DYNC2H1: variants seen among roughly 807,000 people sequenced by gnomAD.
The protein encoded by DYNC2H1 is dynein cytoplasmic 2 heavy chain 1.
In DYNC2H1, 410 loss-of-function variants were observed where a neutral mutation model predicts 570.0. That is an observed-to-expected ratio of 0.72 (90% CI 0.66 to 0.78). The LOEUF (loss-of-function observed/expected upper bound fraction) is 0.78, where lower values mean the gene tolerates loss of function less well. Ranked by LOEUF, DYNC2H1 falls within the 30% of genes least tolerant of loss-of-function variation. The pLI is 0.00. For missense variants in DYNC2H1, 4,865 were observed against 5,046.4 expected (o/e 0.96, Z 1.09); for synonymous variants, 1,688 against 1,677.6 (o/e 1.01, Z -0.15).
In DYNC2H1 at chr11:103,254,516, G is replaced by T. The variant is rs187907730; in HGVS notation, c.10207-899G>T. Among the ~76,000 whole-genome samples the T allele has an allele frequency of 1.4e-3, 216 of 152,298 alleles. No homozygotes were observed. Among genetic ancestry groups the T allele is most frequent in the African/African-American group, 4.9e-3 (203 of 41,578 alleles). ...ACCATACAACTTGCTGATTTAAAATGTATAATTCAATGGTTTTTTTAGTGG... is the reference window on the plus strand; with the variant it reads ...ACCATACAACTTGCTGATTTAAAATTTATAATTCAATGGTTTTTTTAGTGG... On this transcript the variant is annotated intron_variant, in intron 66 of 88. Coordinates refer to ENST00000375735, the MANE Select transcript of DYNC2H1 (RefSeq NM_001377.3). The surrounding 1 kb of genome is among the most constrained non-coding windows in gnomAD (Gnocchi z 4.9).
At chr11:103,412,015 A>G (rs997605047) in intron 84 of DYNC2H1, among the ~76,000 whole-genome samples, 6 of 152,156 alleles carry the variant, frequency 3.9e-5, no homozygotes, top group Non-Finnish European at 8.8e-5. Context: ...CTGTTTGATG[A>G]AATGCAAATG....
chr11:103,468,658 C>G lies in DYNC2H1; in HGVS notation c.12718C>G (p.Pro4240Ala), dbSNP rs780074386. The change falls in exon 88 of 89, where the codon CCC becomes GCC. Residue 4240 changes from proline to alanine, a missense_variant. By Grantham distance (27) the Pro-to-Ala change is conservative (BLOSUM62 -1). This residue lies in a region of DYNC2H1 where 2,401 missense variants were observed against 2,454.6 expected (regional missense o/e 0.98). Coordinates refer to ENST00000375735, the MANE Select transcript of DYNC2H1 (RefSeq NM_001377.3). ...ACTTTCTGAAAATCAGCTTGATTCT[C>G]CCAGCGTGTCATCAGTGCTCCCTTG... Reference protein sequence around the residue: ...NQLSENQLDSPSVSSVLPCFM... With the variant: ...NQLSENQLDSASVSSVLPCFM... 5.0e-6 allele frequency: 8 copies of G among 1,613,550 alleles called. No homozygotes were observed. Among genetic ancestry groups the G allele is most frequent in the Non-Finnish European group, 6.8e-6 (8 of 1,179,708 alleles).
chr11:103,142,196 G>A (rs1029207800), intron 17 of DYNC2H1, among the ~76,000 whole-genome samples: 11 of 152,336 alleles, frequency 7.2e-5, no homozygotes, highest in South Asian at 6.2e-4. Context: ...TTCGGCTCAC[G>A]CACGATGCGC....
chr11:103,354,698 A>T (rs1178422002), intron 82 of DYNC2H1, among the ~76,000 whole-genome samples: 1 of 152,124 alleles, frequency 6.6e-6, no homozygotes, highest in African/African-American at 2.4e-5. Flanking sequence ...TGCTAAATTT[A>T]TAACAATGCT....
intron 54 of DYNC2H1, among the ~76,000 whole-genome samples, chr11:103,214,789 C>CT (rs35102616): frequency 0.11 from 15,326 of 139,692 alleles, 918 homozygotes; most frequent in East Asian, 0.22. Context: ...ATGTCTTTCC[C>CT]TTTTTTTTTT....
At chr11:103,418,243 G>A (rs1943358461) in intron 84 of DYNC2H1, among the ~76,000 whole-genome samples, 1 of 152,034 alleles carries the variant, frequency 6.6e-6, no homozygotes, top group Non-Finnish European at 1.5e-5. Flanking sequence ...GCCTTTATTT[G>A]CAGAGGATAC....
In DYNC2H1 at chr11:103,315,322, G is replaced by A. The variant is rs550939193; in HGVS notation, c.11650-1223G>A. Among the ~76,000 whole-genome samples, 19 of 152,108 alleles carry A rather than the reference G, an allele frequency of 1.2e-4. No individual in the cohort carries two copies. The South Asian group carries it at 3.7e-3, about 30-fold the overall frequency. On this transcript the variant is annotated intron_variant, in intron 79 of 88. Coordinates refer to ENST00000375735, the MANE Select transcript of DYNC2H1 (RefSeq NM_001377.3). ...CTATGTTTTAATTGACGAAAACATG[G>A]CCTGGTATATAGCAGTCCAAAACTT...
intron 87 of DYNC2H1, among the ~76,000 whole-genome samples, chr11:103,457,178 A>G (rs1944816019): frequency 6.6e-6 from 1 of 152,264 alleles, no homozygotes; most frequent in African/African-American, 2.4e-5. Context: ...TGCCAGTTAT[A>G]TAAAAGTAAA....
chr11:103,250,611 C>G (rs1799842716), intron 65 of DYNC2H1, among the ~76,000 whole-genome samples: 1 of 152,176 alleles, frequency 6.6e-6, no homozygotes, highest in African/African-American at 2.4e-5. Context: ...TGATGTTGCT[C>G]TTTGTTATTT....
At chr11:103,207,726 A>G (rs1364140306) in intron 52 of DYNC2H1, among the ~76,000 whole-genome samples, 2 of 152,094 alleles carry the variant, frequency 1.3e-5, no homozygotes, top group African/African-American at 4.8e-5. Flanking sequence ...GTAGAGGCCA[A>G]ACAACATAGT....
chr11:103,368,287 T>C (rs1298851454), intron 83 of DYNC2H1, among the ~76,000 whole-genome samples: 3 of 152,200 alleles, frequency 2.0e-5, no homozygotes, highest in Admixed American at 6.5e-5. Flanking sequence ...TTCTTGATAA[T>C]AGCTTTTCTA....
At chr11:103,474,999 T>C (rs1189852613) in intron 88 of DYNC2H1, among the ~76,000 whole-genome samples, 1 of 152,182 alleles carries the variant, frequency 6.6e-6, no homozygotes, top group Non-Finnish European at 1.5e-5. Flanking sequence ...TTGTGAGACA[T>C]TCAGGCTTTT....
At chr11:103,358,206 C>G in intron 82 of DYNC2H1, 37 bp from the exon 83 acceptor site, 1 of 1,259,398 alleles carries the variant, frequency 7.9e-7, no homozygotes, top group South Asian at 1.5e-5. Flanking sequence ...GGCTGAAGTT[C>G]TTTTTATTTG....
chr11:103,273,271 C>G (rs530758415), intron 70 of DYNC2H1, among the ~76,000 whole-genome samples: 6 of 151,814 alleles, frequency 4.0e-5, no homozygotes, highest in Non-Finnish European at 8.8e-5. Context: ...CTCACTGCAA[C>G]CTCTGCCTCC....
chr11:103,143,175 T>G (rs1860048730), intron 17 of DYNC2H1, 93 bp from the exon 18 acceptor site: 2 of 1,330,938 alleles, frequency 1.5e-6, no homozygotes, highest in Admixed American at 2.1e-5. Context: ...ATTTTCCTCT[T>G]TTTATTGGTT....
intron 84 of DYNC2H1, among the ~76,000 whole-genome samples, chr11:103,427,642 C>G (rs905106348): frequency 1.3e-5 from 2 of 152,000 alleles, no homozygotes; most frequent in Non-Finnish European, 2.9e-5. Context: ...TACAGATAGC[C>G]ATCTTTTCCT....
Position 103,166,010 on chromosome 11 carries a change from C to G in DYNC2H1, c.4724C>G (p.Thr1575Ser). 1 of 1,533,998 alleles carries G rather than the reference C, an allele frequency of 6.5e-7. No individual in the cohort carries two copies. Among genetic ancestry groups the G allele is most frequent in the Non-Finnish European group, 8.8e-7 (1 of 1,139,030 alleles). The change falls in exon 31 of 89, where the codon ACT becomes AGT. Residue 1575 changes from threonine to serine, a missense_variant. Physicochemically the swap from Thr to Ser is moderately conservative, Grantham distance 58. This residue lies in a region of DYNC2H1 where 1,936 missense variants were observed against 1,962.1 expected (regional missense o/e 0.99). Transcript: ENST00000375735. ...TQLVNKLEQY[T>S]NIDTSSEDPG... ...CTGGTGAATAAGTTAGAGCAATATACTAACATTGATACAAGTTCTGAGGAT... is the reference window on the plus strand; with the variant it reads ...CTGGTGAATAAGTTAGAGCAATATAGTAACATTGATACAAGTTCTGAGGAT...
intron 75 of DYNC2H1, among the ~76,000 whole-genome samples, chr11:103,300,544 G>A (rs1159555608): frequency 6.6e-6 from 1 of 151,972 alleles, no homozygotes; most frequent in Non-Finnish European, 1.5e-5. Flanking sequence ...TTGTGGGCAG[G>A]ATGGCTAACA....
At chr11:103,387,642 A>T (rs1395152400) in intron 83 of DYNC2H1, among the ~76,000 whole-genome samples, 4 of 152,202 alleles carry the variant, frequency 2.6e-5, no homozygotes, top group African/African-American at 4.8e-5. Flanking sequence ...GAGGTCAAAC[A>T]TTTAAGTCTT....
Sources: allele counts gnomAD v4.1 joint callset (sites outside exome capture counted in the v4.1 genomes callset), GRCh38; gene constraint gnomAD v4.1.1; regional missense constraint gnomAD v4.1.1; non-coding constraint Gnocchi (gnomAD v3.1); transcripts MANE v1.5; gene names NCBI Gene and HGNC (gene_info 2026-07-23, HGNC 2026-07-21).